The following ATRNL1 variants were observed in gnomAD, a reference collection of about 807,000 sequenced individuals.
ATRNL1 encodes attractin like 1, also known as attractin-like protein 1.
Under a neutral mutation model 182.7 loss-of-function variants are expected in ATRNL1, and 95 were observed. The ratio of observed to expected loss-of-function variants is 0.52; its 90% CI spans 0.44 to 0.62. The LOEUF is 0.62. Ranked by LOEUF, ATRNL1 falls within the 20% of genes least tolerant of loss-of-function variation. The pLI, the probability that ATRNL1 is intolerant of heterozygous loss-of-function variation, is 0.00. For missense variants in ATRNL1, 1,471 were observed against 1,679.5 expected, an observed-to-expected ratio of 0.88 and a Z score of 2.17; for synonymous variants, 576 against 568.3, an observed-to-expected ratio of 1.01 and a Z score of -0.19.
chr10:115,094,185 C>CGGGCGAGAGT (rs2084952855), intron 1 of ATRNL1, 142 bp downstream of exon 1: 1 of 929,262 alleles, frequency 1.1e-6, no homozygotes, highest in East Asian at 3.4e-5. Context: ...GCGGCGGGAG[C>CGGGCGAGAGT]GGGCGAGAGT....
chr10:115,431,720 A>G (rs1429394208), intron 21 of ATRNL1, among the ~76,000 whole-genome samples: 1 of 152,142 alleles, frequency 6.6e-6, no homozygotes, highest in Non-Finnish European at 1.5e-5. Flanking sequence ...TATTATTCCT[A>G]CTGATGCTCA....
chr10:115,310,740 G>T (rs553399131), intron 17 of ATRNL1, among the ~76,000 whole-genome samples: 4 of 152,154 alleles, frequency 2.6e-5, no homozygotes, highest in South Asian at 2.1e-4. Flanking sequence ...CTAGCTAATG[G>T]TCTATCAATT....
At chr10:115,177,635 C>T (rs1341258477) in intron 8 of ATRNL1, among the ~76,000 whole-genome samples, 6 of 152,080 alleles carry the variant, frequency 3.9e-5, no homozygotes, top group African/African-American at 1.2e-4. Context: ...AAAACCTACC[C>T]ATTCTTAGTA....
chr10:115,699,792 A>C (rs2133991793), intron 26 of ATRNL1, among the ~76,000 whole-genome samples: 1 of 152,266 alleles, frequency 6.6e-6, no homozygotes, highest in African/African-American at 2.4e-5. Context: ...CCGTCATCGA[A>C]GTAGTGAGCA....
intron 27 of ATRNL1, among the ~76,000 whole-genome samples, chr10:115,742,009 G>A (rs1275220608): frequency 6.6e-6 from 1 of 152,198 alleles, no homozygotes; most frequent in East Asian, 1.9e-4. Flanking sequence ...TTTCAAAGCA[G>A]TCAATGAAGA....
intron 10 of ATRNL1, among the ~76,000 whole-genome samples, chr10:115,251,149 C>T (rs1554905294): frequency 6.6e-6 from 1 of 152,098 alleles, no homozygotes; most frequent in Non-Finnish European, 1.5e-5. Context: ...TGTCTGCTAT[C>T]CTTTAAGCTT....
At chr10:115,842,292 G>A (rs1456190586) in intron 27 of ATRNL1, among the ~76,000 whole-genome samples, 1 of 151,994 alleles carries the variant, frequency 6.6e-6, no homozygotes, top group Non-Finnish European at 1.5e-5. Context: ...AGTCTTATGT[G>A]ATGTATTCAT....
intron 26 of ATRNL1, among the ~76,000 whole-genome samples, chr10:115,558,868 C>T (rs988562013): frequency 1.8e-4 from 28 of 152,064 alleles, no homozygotes; most frequent in African/African-American, 6.5e-4. Context: ...TCCCTTCCTA[C>T]CCCCTTCTAG....
At chr10:115,546,542 G>A (rs1852668166) in intron 25 of ATRNL1, among the ~76,000 whole-genome samples, 1 of 151,118 alleles carries the variant, frequency 6.6e-6, no homozygotes, top group South Asian at 2.1e-4. Flanking sequence ...ACTCCAGCCT[G>A]GGCAACAGAG....
At chr10:115,154,919 C>G (rs1592180464) in intron 5 of ATRNL1, among the ~76,000 whole-genome samples, 1 of 152,136 alleles carries the variant, frequency 6.6e-6, no homozygotes, top group African/African-American at 2.4e-5. Flanking sequence ...GCCAATTTCT[C>G]CCTTTAAATG....
intron 19 of ATRNL1, among the ~76,000 whole-genome samples, chr10:115,374,875 G>A (rs1180089957): frequency 6.6e-6 from 1 of 151,882 alleles, no homozygotes; most frequent in Non-Finnish European, 1.5e-5. Flanking sequence ...TTTAAGACTT[G>A]TTTTGTGGTC....
In ATRNL1 at chr10:115,315,724, A is replaced by T; in HGVS notation, c.3025A>T (p.Ile1009Phe). Residue 1009 changes from isoleucine to phenylalanine, a missense_variant, in exon 18 of 29, where the codon ATC becomes TTC. By Grantham distance (21) the Ile-to-Phe change is conservative. This residue lies in a region of ATRNL1 where 437 missense variants were observed against 506.0 expected (regional missense o/e 0.86). Coordinates refer to ENST00000355044, the MANE Select transcript of ATRNL1 (RefSeq NM_207303.4). ...PKEKNYEWSF[I>F]QCPACQCNGH... ...AGAAAAGAACTATGAGTGGTCCTTT[A>T]TCCAGTGTCCAGGTAATAATAATGT... 6.2e-7 allele frequency: 1 copy of T among 1,612,352 alleles called. No individual in the cohort carries two copies. The highest frequency in any genetic ancestry group is 8.5e-7 in the Non-Finnish European group (1 of 1,179,186).
At chr10:115,532,580 A>G (rs1301592245) in intron 25 of ATRNL1, among the ~76,000 whole-genome samples, 2 of 151,462 alleles carry the variant, frequency 1.3e-5, no homozygotes, top group East Asian at 1.9e-4. Context: ...AACAGGGACA[A>G]TTTGACTTCC....
intron 8 of ATRNL1, among the ~76,000 whole-genome samples, chr10:115,196,088 G>C (rs1554890949): frequency 3.3e-5 from 5 of 152,064 alleles, no homozygotes; most frequent in Admixed American, 2.0e-4. Context: ...TGGAGCCCAA[G>C]AGTTCAAGGC....
At position 115,744,097 on chromosome 10, in the gene ATRNL1, G is replaced by C. The variant is rs1034380005; in HGVS notation, c.3903+16742G>C. 7.3e-4 allele frequency among the ~76,000 whole-genome samples: 111 copies of C among 152,146 alleles called. 1 individual carries two copies. The highest frequency in any genetic ancestry group is 2.6e-3 in the African/African-American group (110 of 41,546). On this transcript the variant is annotated intron_variant, in intron 27 of 28. Transcript: ENST00000355044. ...GCATTCTTTCAAAACTTTTAAAAAT[G>C]TATTGCATATGTGGCCTCTTAAATG...
chr10:115,107,781 T>A (rs1392818631), intron 1 of ATRNL1, among the ~76,000 whole-genome samples: 2 of 152,258 alleles, frequency 1.3e-5, no homozygotes, highest in African/African-American at 2.4e-5. Flanking sequence ...GTTTATTTCC[T>A]ATACTTTTCA....
At chr10:115,706,232 C>T (rs1946892850) in intron 26 of ATRNL1, among the ~76,000 whole-genome samples, 1 of 151,852 alleles carries the variant, frequency 6.6e-6, no homozygotes, top group Non-Finnish European at 1.5e-5. Flanking sequence ...CATTCCTTGG[C>T]TCCTGGCCCT....
At chr10:115,749,489 G>A (rs370568131) in intron 27 of ATRNL1, among the ~76,000 whole-genome samples, 1 of 151,696 alleles carries the variant, frequency 6.6e-6, no homozygotes, top group African/African-American at 2.4e-5. Context: ...GTAGAAAAAC[G>A]GGTAAAAGAC....
At chr10:115,388,674 A>G (rs1438106940) in intron 19 of ATRNL1, among the ~76,000 whole-genome samples, 2 of 151,978 alleles carry the variant, frequency 1.3e-5, no homozygotes, top group African/African-American at 2.4e-5. Context: ...TATAATGTGT[A>G]TCATATTATA....
Sources: allele counts gnomAD v4.1 joint callset (sites outside exome capture counted in the v4.1 genomes callset), GRCh38; gene constraint gnomAD v4.1.1; regional missense constraint gnomAD v4.1.1; transcripts MANE v1.5; gene names NCBI Gene and HGNC (gene_info 2026-07-23, HGNC 2026-07-21).